The following TNFRSF19 variants were observed in gnomAD, a reference collection of about 807,000 sequenced individuals.
TNFRSF19 encodes the protein tumor necrosis factor receptor superfamily member 19.
Under a neutral mutation model 46.4 loss-of-function variants are expected in TNFRSF19, and 27 were observed. The ratio of observed to expected loss-of-function variants is 0.58; its 90% CI spans 0.43 to 0.80. The LOEUF (loss-of-function observed/expected upper bound fraction) is 0.80, where lower values mean the gene tolerates loss of function less well. Among genes scored for constraint, TNFRSF19 ranks in the 30% least tolerant of loss-of-function variants. The pLI is 0.00. For synonymous variants in TNFRSF19, 204 were observed against 205.0 expected (o/e 1.00, Z 0.04); for missense variants, 511 against 530.8 (o/e 0.96, Z 0.37).
intron 4 of TNFRSF19, among the ~76,000 whole-genome samples, chr13:23,619,555 G>T (rs1881518979): frequency 6.6e-6 from 1 of 151,796 alleles, no homozygotes; most frequent in African/African-American, 2.4e-5. Context: ...CAATAAATCT[G>T]TGCCTTAAAA....
intron 5 of TNFRSF19, among the ~76,000 whole-genome samples, chr13:23,654,779 A>G (rs931548019): frequency 6.6e-6 from 1 of 152,200 alleles, no homozygotes; most frequent in Non-Finnish European, 1.5e-5. Flanking sequence ...AACCTTGAGC[A>G]TGTGACTCAA....
chr13:23,671,838 A>G lies in TNFRSF19; in HGVS notation c.1246-1534A>G, dbSNP rs59830733. ...ACGCCGCTGCACTCCAGCCTGGGCA[A>G]CAAAGCAAGACCCTGTCTCTTAAAA... On this transcript the variant is annotated intron_variant, in intron 9 of 9. Coordinates refer to ENST00000248484, the MANE Select transcript of TNFRSF19 (RefSeq NM_148957.4). Among the ~76,000 whole-genome samples the G allele has an allele frequency of 9.6e-3, 1,470 of 152,342 alleles. 22 individuals carry two copies. Among genetic ancestry groups the G allele is most frequent in the African/African-American group, 0.033 (1,383 of 41,560 alleles).
At chr13:23,582,916 C>G (rs1039941007) in intron 1 of TNFRSF19, among the ~76,000 whole-genome samples, 2 of 152,162 alleles carry the variant, frequency 1.3e-5, no homozygotes, top group African/African-American at 4.8e-5. Context: ...ATTTTTATTG[C>G]TCACTAGTAT....
intron 1 of TNFRSF19, among the ~76,000 whole-genome samples, chr13:23,588,576 G>T (rs1033848658): frequency 2.6e-5 from 4 of 152,028 alleles, no homozygotes; most frequent in African/African-American, 9.7e-5. Flanking sequence ...CATTATCCCC[G>T]TTTTTTCTTA....
chr13:23,593,998 G>T (rs1308367637), intron 3 of TNFRSF19, among the ~76,000 whole-genome samples: 1 of 152,164 alleles, frequency 6.6e-6, no homozygotes, highest in South Asian at 2.1e-4. Flanking sequence ...AAGTGCAAGG[G>T]GTCCGGGTAC....
intron 1 of TNFRSF19, among the ~76,000 whole-genome samples, chr13:23,588,510 T>C (rs1247837757): frequency 6.6e-6 from 1 of 152,226 alleles, no homozygotes; most frequent in African/African-American, 2.4e-5. Context: ...TCGAATATGG[T>C]ATGTACTGAT....
intron 5 of TNFRSF19, among the ~76,000 whole-genome samples, chr13:23,655,342 A>C (rs554805121): frequency 6.6e-6 from 1 of 152,358 alleles, no homozygotes; most frequent in South Asian, 2.1e-4. Context: ...CCTTGCTCTG[A>C]AGTAAATTGC....
At chr13:23,588,212 C>G (rs111624616) in intron 1 of TNFRSF19, among the ~76,000 whole-genome samples, 2,749 of 152,292 alleles carry the variant, frequency 0.018, 31 homozygotes, top group Middle Eastern at 0.027. Flanking sequence ...GATGAGGAAA[C>G]TGAGACTCAG....
At chr13:23,670,068 C>T (rs1331061534) in intron 9 of TNFRSF19, among the ~76,000 whole-genome samples, 1 of 152,178 alleles carries the variant, frequency 6.6e-6, no homozygotes, top group African/African-American at 2.4e-5. Flanking sequence ...ACTTCCATGT[C>T]ATTCTGTATC....
chr13:23,672,440 C>T (rs1384983080), intron 9 of TNFRSF19, among the ~76,000 whole-genome samples: 4 of 152,032 alleles, frequency 2.6e-5, no homozygotes, highest in African/African-American at 9.7e-5. Flanking sequence ...ATGAGAGGAC[C>T]CTGGGTTCTA....
At chr13:23,573,223 A>G (rs1313503024) in intron 1 of TNFRSF19, among the ~76,000 whole-genome samples, 1 of 152,206 alleles carries the variant, frequency 6.6e-6, no homozygotes, top group African/African-American at 2.4e-5. Context: ...TAGCTCATCA[A>G]AGAACAATAT....
At chr13:23,574,848 C>A (rs1877856296) in intron 1 of TNFRSF19, among the ~76,000 whole-genome samples, 1 of 152,188 alleles carries the variant, frequency 6.6e-6, no homozygotes, top group Non-Finnish European at 1.5e-5. Context: ...TACCTCAAAC[C>A]CACCCACTTG....
At chr13:23,621,391 C>A (rs1317208394) in intron 4 of TNFRSF19, among the ~76,000 whole-genome samples, 1 of 152,192 alleles carries the variant, frequency 6.6e-6, no homozygotes, top group Non-Finnish European at 1.5e-5. Context: ...GACTAACCAC[C>A]AAGGTGCTAG....
At chr13:23,612,116 C>T (rs944454840) in intron 3 of TNFRSF19, among the ~76,000 whole-genome samples, 3 of 152,038 alleles carry the variant, frequency 2.0e-5, no homozygotes, top group African/African-American at 4.8e-5. Context: ...TTTCAGTATA[C>T]GAATGATAAA....
chr13:23,667,938 A>G, intron 7 of TNFRSF19, 42 bp from the exon 8 acceptor site: 1 of 1,499,988 alleles, frequency 6.7e-7, no homozygotes, highest in Non-Finnish European at 9.0e-7. Context: ...GAAAGCTGCC[A>G]GAAGGAGGCA....
intron 1 of TNFRSF19, among the ~76,000 whole-genome samples, chr13:23,577,427 A>G (rs573128021): frequency 6.6e-6 from 1 of 152,362 alleles, no homozygotes; most frequent in East Asian, 1.9e-4. Flanking sequence ...TTGAACATTT[A>G]TTTGAATGAT....
intron 3 of TNFRSF19, among the ~76,000 whole-genome samples, chr13:23,602,121 A>G (rs1031256116): frequency 1.3e-5 from 2 of 152,204 alleles, no homozygotes; most frequent in African/African-American, 4.8e-5. Context: ...GTGGTCTACA[A>G]GAACCCACTT....
rs535508259 is a variant in TNFRSF19, at chr13:23,590,064, A to G, written c.-34-86A>G. 10 of 596,086 alleles carry G rather than the reference A, an allele frequency of 1.7e-5. No homozygotes were observed. In the East Asian group the frequency reaches 3.0e-4, roughly 18 times the overall value. 36.9% of individuals were successfully genotyped at this position (596,086 alleles called of 1,614,324 possible). On this transcript the variant is annotated intron_variant, in intron 1 of 9. Coordinates refer to ENST00000248484, the MANE Select transcript of TNFRSF19 (RefSeq NM_148957.4). ...AAATAATATTTATTACCTAGTCTATATAGTAAGTGGTAGATATTATATAGT... is the reference window on the plus strand; with the variant it reads ...AAATAATATTTATTACCTAGTCTATGTAGTAAGTGGTAGATATTATATAGT...
intron 4 of TNFRSF19, among the ~76,000 whole-genome samples, chr13:23,619,689 T>A (rs1324203067): frequency 6.6e-6 from 1 of 152,198 alleles, no homozygotes; most frequent in Non-Finnish European, 1.5e-5. Context: ...CCTCTGTTGT[T>A]CGTGTTCTCC....
Sources: allele counts gnomAD v4.1 joint callset (sites outside exome capture counted in the v4.1 genomes callset), GRCh38; gene constraint gnomAD v4.1.1; transcripts MANE v1.5; gene names NCBI Gene and HGNC (gene_info 2026-07-23, HGNC 2026-07-21).